The following MAP1S variants were observed in gnomAD, a reference collection of about 807,000 sequenced individuals.
The protein encoded by MAP1S is microtubule associated protein 1S, also known as microtubule-associated protein 1S.
MAP1S carries 27 observed loss-of-function variants against 60.9 expected under a neutral mutation model. That is an observed-to-expected ratio of 0.44 (90% CI 0.33 to 0.61). MAP1S has a LOEUF of 0.61. Among genes scored for constraint, MAP1S ranks in the 20% least tolerant of loss-of-function variants. The pLI is 0.03. For missense variants in MAP1S, 1,608 were observed against 1,486.6 expected (o/e 1.08, Z -1.34); for synonymous variants, 826 against 694.2 (o/e 1.19, Z -2.98).
Position 17,734,314 on chromosome 19 carries a change from G to A in MAP1S, c.3066G>A (p.Thr1022=), listed in dbSNP as rs759835500. The part of the protein sequence containing the change: ...IPTFDSVAMH[T]WYAETHARHQ... The stretch of plus-strand genomic sequence containing the variant: ...CTTTCGACTCGGTGGCCATGCATAC[G>A]TGGTACGCAGAGACGCACGCCCGGC... The change falls in exon 7 of 7, where the codon ACG becomes ACA. Residue 1022 remains threonine, a synonymous_variant. Coordinates refer to ENST00000324096, the MANE Select transcript of MAP1S (RefSeq NM_018174.6). The A allele has an allele frequency of 1.4e-5, 23 of 1,613,756 alleles. No individual in the cohort carries two copies. Among genetic ancestry groups the A allele is most frequent in the Middle Eastern group, 1.7e-4 (1 of 6,058 alleles).
Position 17,728,052 on chromosome 19 carries a change from G to C in MAP1S, c.2668G>C (p.Ala890Pro). ...PVAAAKTKGLAGGDRASRPLS... is the reference protein window; with the variant it reads ...PVAAAKTKGLPGGDRASRPLS... ...GGCTGCTGCCAAAACCAAGGGGCTT[G>C]CTGGTGGGGACCGTGCCAGCCGACC... Residue 890 changes from alanine to proline, a missense_variant, in exon 5 of 7, where the codon GCT becomes CCT. Physicochemically the swap from Ala to Pro is conservative, Grantham distance 27 (BLOSUM62 -1). Coordinates refer to ENST00000324096, the MANE Select transcript of MAP1S (RefSeq NM_018174.6). 1.2e-6 allele frequency: 2 copies of C among 1,612,470 alleles called. No individual in the cohort carries two copies. Among genetic ancestry groups the C allele is most frequent in the Non-Finnish European group, 1.7e-6 (2 of 1,179,764 alleles).
In MAP1S at chr19:17,724,106, A is replaced by C. The variant is rs1303937254; in HGVS notation, c.221-20A>C. 6.2e-7 allele frequency: 1 copy of C among 1,603,498 alleles called. No individual in the cohort carries two copies. On this transcript the variant is annotated intron_variant, in intron 2 of 6. Coordinates refer to ENST00000324096, the MANE Select transcript of MAP1S (RefSeq NM_018174.6). The stretch of plus-strand genomic sequence containing the variant: ...CGGGGAGGCAGGATTTGACTCCGGG[A>C]CGGCCTGATTCCCCCACAGGCCAGC...
chr19:17,734,215 G>C, intron 6 of MAP1S, 58 bp from the exon 7 acceptor site: 1 of 1,487,390 alleles, frequency 6.7e-7, no homozygotes. Context: ...CAGAAGGGCA[G>C]GGGGCACCCC....
At chr19:17,720,567 A>C (rs1211198992) in intron 1 of MAP1S, 1 of 1,409,040 alleles carries the variant, frequency 7.1e-7, no homozygotes, top group African/African-American at 1.4e-5. Context: ...CTGAGGGGGA[A>C]GGGCCCCCTG....
Position 17,727,234 on chromosome 19 carries a change from C to T in MAP1S, c.1850C>T (p.Pro617Leu), listed in dbSNP as rs943215614. 2 of 1,566,854 alleles carry T rather than the reference C, an allele frequency of 1.3e-6. No homozygotes were observed. The highest frequency in any genetic ancestry group is 1.8e-5 in the Admixed American group (1 of 54,496). ...ATPSLELGPIPAGEEKALELP... is the reference protein window; with the variant it reads ...ATPSLELGPILAGEEKALELP... ...CCCAGCCTGGAGCTGGGGCCGATCC[C>T]AGCCGGGGAGGAGAAGGCACTGGAG... The change falls in exon 5 of 7, where the codon CCA becomes CTA. Residue 617 changes from proline to leucine, a missense_variant. By Grantham distance (98) the Pro-to-Leu change is moderately conservative. Transcript: ENST00000324096. This position sits in a 1 kb window ranked among gnomAD's most constrained non-coding sequence, Gnocchi z 4.1.
Position 17,726,299 on chromosome 19 carries a change from G to A in MAP1S, c.915G>A (p.Leu305=), listed in dbSNP as rs747762214. The A allele has an allele frequency of 1.2e-6, 2 of 1,607,720 alleles. No individual in the cohort carries two copies. The highest frequency in any genetic ancestry group is 1.7e-6 in the Non-Finnish European group (2 of 1,178,616). The change falls in exon 5 of 7, where the codon CTG becomes CTA. Residue 305 remains leucine, a synonymous_variant. Coordinates refer to ENST00000324096, the MANE Select transcript of MAP1S (RefSeq NM_018174.6). The part of the protein sequence containing the change: ...ADSLPGLNSL[L]RRKLAERSEV... ...GCCTCCCCGGCCTCAACAGCCTGCT[G>A]CGGCGCAAACTGGCGGAGCGCTCCG...
chr19:17,727,532 G>A lies in MAP1S; in HGVS notation c.2148G>A (p.Gly716=), dbSNP rs1289175628. Residue 716 remains glycine (G), a synonymous_variant, in exon 5 of 7, where the codon GGG becomes GGA. Transcript: ENST00000324096. This position sits in a 1 kb window ranked among gnomAD's most constrained non-coding sequence, Gnocchi z 4.1. ...LPPSAPTSEA[G]LSLPLRGPRA... ...CATCCGCCCCCACCAGTGAGGCTGGGCTGAGCCTCCCGCTGCGTGGCCCCC... is the reference window on the plus strand; with the variant it reads ...CATCCGCCCCCACCAGTGAGGCTGGACTGAGCCTCCCGCTGCGTGGCCCCC... 3 of 1,609,988 alleles carry A rather than the reference G, an allele frequency of 1.9e-6. No individual in the cohort carries two copies. Among genetic ancestry groups the A allele is most frequent in the African/African-American group, 1.3e-5 (1 of 74,892 alleles).
rs773893063 is a variant in MAP1S at position 17,727,377 on chromosome 19, G to C, written c.1993G>C (p.Gly665Arg). 1.3e-6 allele frequency: 2 copies of C among 1,590,218 alleles called. No homozygotes were observed. Among genetic ancestry groups the C allele is most frequent in the Non-Finnish European group, 8.5e-7 (1 of 1,170,332 alleles). The change falls in exon 5 of 7, where the codon GGG becomes CGG. Residue 665 changes from glycine (G) to arginine (R), a missense_variant. Gly to Arg is a moderately radical substitution (Grantham distance 125). Around this residue, in one of 4 missense-constraint regions of MAP1S, gnomAD observed 1,167 missense variants for 961.4 expected, o/e 1.21. Transcript: ENST00000324096. This position sits in a 1 kb window ranked among gnomAD's most constrained non-coding sequence, Gnocchi z 4.1. ...SLSPLRGGEA[G>R]PDASPTVTTP... Reference sequence around the variant, plus strand: ...GAGCCCACTGCGGGGCGGGGAGGCCGGGCCAGACGCCTCACCCACAGTGAC... The same window carrying C: ...GAGCCCACTGCGGGGCGGGGAGGCCCGGCCAGACGCCTCACCCACAGTGAC...
At position 17,734,482 on chromosome 19, in the gene MAP1S, G is replaced by T; in HGVS notation, c.*54G>T. ...CCCAGCCCGCCTGTCCCTAGATTCAGCCACATCAGAAATAAACTGTGACTA... is the reference window on the plus strand; with the variant it reads ...CCCAGCCCGCCTGTCCCTAGATTCATCCACATCAGAAATAAACTGTGACTA... On this transcript the variant is annotated 3_prime_UTR_variant, in exon 7 of 7. Transcript: ENST00000324096. The T allele has an allele frequency of 6.4e-7, 1 of 1,564,798 alleles. No homozygotes were observed. Among genetic ancestry groups the T allele is most frequent in the Non-Finnish European group, 8.7e-7 (1 of 1,154,028 alleles).
Position 17,726,375 on chromosome 19 carries a change from TC to T in MAP1S, c.996del (p.Asn333ThrfsTer27). ...GGACGACAGGCTGCGCAGGCTCATC[TC>T]CCCCAACCTGGGGGTCGTGTTCTTC... ...SWDDRLRRLI[S>X]PNLGVVFFNA... On this transcript the variant is annotated frameshift_variant, in exon 5 of 7. Coordinates refer to ENST00000324096, the MANE Select transcript of MAP1S (RefSeq NM_018174.6). LOFTEE classifies it high-confidence loss of function. 6.3e-7 allele frequency: 1 copy of T among 1,595,360 alleles called. No homozygotes were observed.
At position 17,727,152 on chromosome 19, in the gene MAP1S, G is replaced by A; in HGVS notation, c.1768G>A (p.Glu590Lys). The change falls in exon 5 of 7, where the codon GAA becomes AAA. Residue 590 changes from glutamate to lysine, a missense_variant. Around this residue, in one of 4 missense-constraint regions of MAP1S, gnomAD observed 1,167 missense variants for 961.4 expected, o/e 1.21. Coordinates refer to ENST00000324096, the MANE Select transcript of MAP1S (RefSeq NM_018174.6). This position sits in a 1 kb window ranked among gnomAD's most constrained non-coding sequence, Gnocchi z 4.1. Reference protein sequence around the residue: ...PRSPPSLRCGEASPPSAACGS... With the variant: ...PRSPPSLRCGKASPPSAACGS... Reference sequence around the variant, plus strand: ...CAGCCCGCCCAGCCTCCGATGTGGAGAAGCCAGCCCCCCCAGTGCAGCCTG... The same window carrying A: ...CAGCCCGCCCAGCCTCCGATGTGGAAAAGCCAGCCCCCCCAGTGCAGCCTG... 6.3e-7 allele frequency: 1 copy of A among 1,589,438 alleles called. No individual in the cohort carries two copies. The highest frequency in any genetic ancestry group is 8.5e-7 in the Non-Finnish European group (1 of 1,171,202).
At chr19:17,731,823 G>T (rs945688043) in intron 5 of MAP1S, among the ~76,000 whole-genome samples, 3 of 152,038 alleles carry the variant, frequency 2.0e-5, no homozygotes. Context: ...CTGCCACCAC[G>T]CCCAGCTAAT....
At chr19:17,728,728 G>A (rs886832154) in intron 5 of MAP1S, 1 of 152,276 alleles carries the variant, frequency 6.6e-6, no homozygotes, top group East Asian at 1.9e-4. Flanking sequence ...GCTAATTTTT[G>A]TATTTTTAGT....
Position 17,733,384 on chromosome 19 carries a change from G to T in MAP1S, c.2980G>T (p.Asp994Tyr). Reference protein sequence around the residue: ...RKEEGMRAVLDALLASKQHWD... With the variant: ...RKEEGMRAVLYALLASKQHWD... ...GGAGGAAGGCATGCGGGCCGTCCTGGACGCGCTACTGGCCAGCAAGCAGCA... is the reference window on the plus strand; with the variant it reads ...GGAGGAAGGCATGCGGGCCGTCCTGTACGCGCTACTGGCCAGCAAGCAGCA... The change falls in exon 6 of 7, where the codon GAC becomes TAC. Residue 994 changes from aspartate (D) to tyrosine (Y), a missense_variant. This residue lies in a region of MAP1S where 76 missense variants were observed against 110.1 expected (regional missense o/e 0.69). Transcript: ENST00000324096. 7 of 1,611,076 alleles carry T rather than the reference G, an allele frequency of 4.3e-6. No individual in the cohort carries two copies. Among genetic ancestry groups the T allele is most frequent in the Non-Finnish European group, 5.1e-6 (6 of 1,179,088 alleles).
At chr19:17,730,143 T>C (rs2080480519) in intron 5 of MAP1S, among the ~76,000 whole-genome samples, 1 of 152,166 alleles carries the variant, frequency 6.6e-6, no homozygotes, top group Non-Finnish European at 1.5e-5. Context: ...CAGACTGTTT[T>C]CCACAGCAGC....
At chr19:17,728,599 A>C (rs1160804849) in intron 5 of MAP1S, 1 of 155,490 alleles carries the variant, frequency 6.4e-6, no homozygotes, top group Non-Finnish European at 1.4e-5. Context: ...CTTGTTGCCC[A>C]GGCAAGAATG....
chr19:17,726,353 C>G lies in MAP1S; in HGVS notation c.969C>G (p.Asp323Glu). ...SEVAAGGGSW[D>E]DRLRRLISPN... ...TGGCTGCTGGTGGGGGCTCCTGGGA[C>G]GACAGGCTGCGCAGGCTCATCTCCC... is the stretch of plus-strand genomic sequence containing the variant. The change falls in exon 5 of 7, where the codon GAC becomes GAG. Residue 323 changes from aspartate to glutamate, a missense_variant. Asp to Glu is a conservative substitution (Grantham distance 45). This residue lies in a region of MAP1S where 1,167 missense variants were observed against 961.4 expected (regional missense o/e 1.21). Coordinates refer to ENST00000324096, the MANE Select transcript of MAP1S (RefSeq NM_018174.6). The G allele has an allele frequency of 6.3e-7, 1 of 1,599,494 alleles. No individual in the cohort carries two copies.
At position 17,727,656 on chromosome 19, in the gene MAP1S, G is replaced by C. The variant is rs774970006; in HGVS notation, c.2272G>C (p.Ala758Pro). 7 of 1,608,678 alleles carry C rather than the reference G, an allele frequency of 4.4e-6. No homozygotes were observed. Among genetic ancestry groups the C allele is most frequent in the African/African-American group, 4.0e-5 (3 of 74,904 alleles). ...RKAVPMAPAP[A>P]SPGSSNDSSA... The stretch of plus-strand genomic sequence containing the variant: ...GGCGGTGCCAATGGCACCGGCACCT[G>C]CGTCCCCCGGCAGCTCGAATGACAG... Residue 758 changes from alanine (A) to proline (P), a missense_variant, in exon 5 of 7, where the codon GCG (alanine) becomes CCG (proline). Around this residue, in one of 4 missense-constraint regions of MAP1S, gnomAD observed 1,167 missense variants for 961.4 expected, o/e 1.21. Coordinates refer to ENST00000324096, the MANE Select transcript of MAP1S (RefSeq NM_018174.6). This position sits in a 1 kb window ranked among gnomAD's most constrained non-coding sequence, Gnocchi z 4.1.
chr19:17,725,964 C>T lies in MAP1S; in HGVS notation c.580C>T (p.Arg194Trp). The stretch of plus-strand genomic sequence containing the variant: ...TCAGGGGGCGCTCCGGCTCCAGCTG[C>T]GGCTGAACCCCCCGGCGCAGCTGCC... ...GLQGALRLQLRLNPPAQLPNS... is the reference protein window; with the variant it reads ...GLQGALRLQLWLNPPAQLPNS... The change falls in exon 5 of 7, where the codon CGG becomes TGG. Residue 194 changes from arginine to tryptophan, a missense_variant. Physicochemically the swap from Arg to Trp is moderately radical, Grantham distance 101. This residue lies in a region of MAP1S where 320 missense variants were observed against 393.1 expected (regional missense o/e 0.81). Transcript: ENST00000324096. The surrounding 1 kb of genome is among the most constrained non-coding windows in gnomAD (Gnocchi z 4.2). 1.2e-6 allele frequency: 2 copies of T among 1,612,598 alleles called. No individual in the cohort carries two copies. Among genetic ancestry groups the T allele is most frequent in the African/African-American group, 1.3e-5 (1 of 75,008 alleles).
Sources: allele counts gnomAD v4.1 joint callset (sites outside exome capture counted in the v4.1 genomes callset), GRCh38; gene constraint gnomAD v4.1.1; regional missense constraint gnomAD v4.1.1; non-coding constraint Gnocchi (gnomAD v3.1); transcripts MANE v1.5; gene names NCBI Gene and HGNC (gene_info 2026-07-23, HGNC 2026-07-21).